The following APOL6 variants were observed in gnomAD, a reference collection of about 807,000 sequenced individuals.
APOL6 encodes the protein apolipoprotein L, 6.
A neutral mutation model predicts 2.4 loss-of-function variants in APOL6; 1 was observed. That is an observed-to-expected ratio of 0.41 (90% confidence interval 0.15 to 1.94). The LOEUF (loss-of-function observed/expected upper bound fraction) is 1.94, where lower values mean the gene tolerates loss of function less well. Ranked by LOEUF, APOL6 falls within the 30% of genes most tolerant of loss-of-function variation. The probability of loss-of-function intolerance (pLI) is 0.30; values close to 1 mark genes in which losing one functional copy is unlikely to be tolerated. For synonymous variants in APOL6, 189 were observed against 169.3 expected (o/e 1.12, Z -0.90); for missense variants, 438 against 429.2 (o/e 1.02, Z -0.18).
chr22:35,655,406 C>T (rs183661541), intron 1 of APOL6, among the ~76,000 whole-genome samples: 16 of 152,152 alleles, frequency 1.1e-4, no homozygotes, highest in Non-Finnish European at 2.4e-4. Context: ...TCGCACTACC[C>T]GAGAAGAAAC....
intron 1 of APOL6, among the ~76,000 whole-genome samples, chr22:35,652,715 G>T (rs993503704): frequency 6.6e-6 from 1 of 151,900 alleles, no homozygotes; most frequent in Non-Finnish European, 1.5e-5. Context: ...GTAGATATGC[G>T]GCATTATTTC....
chr22:35,666,197 T>C lies in APOL6; in HGVS notation c.*6601T>C, dbSNP rs1925177434. On this transcript the variant is annotated 3_prime_UTR_variant, in exon 3 of 3. Coordinates refer to ENST00000409652, the MANE Select transcript of APOL6 (RefSeq NM_030641.4). ...AGGTAAAAAATTTCCTTGTCAGTTTTGTCTTTTGACTATGGCTGCCTTAAA... is the reference window on the plus strand; with the variant it reads ...AGGTAAAAAATTTCCTTGTCAGTTTCGTCTTTTGACTATGGCTGCCTTAAA... 6.6e-6 allele frequency: 1 copy of C among 152,234 alleles called. No homozygotes were observed. The highest frequency in any genetic ancestry group is 1.5e-5 in the Non-Finnish European group (1 of 68,044). The allele number at this position is 152,234 out of a possible 1,614,324, so 9.4% of individuals were successfully genotyped here. A position where few individuals can be genotyped will look rare whatever the true frequency, so the allele number is the denominator to read the frequency against.
chr22:35,664,704 A>T lies in APOL6; in HGVS notation c.*5108A>T, dbSNP rs1925124017. On this transcript the variant is annotated 3_prime_UTR_variant, in exon 3 of 3. Transcript: ENST00000409652. ...CAACTGGACATAATTTAGAATATAA[A>T]GTCATATTAAATTAAATAATAGATA... 1 of 152,144 alleles carries T rather than the reference A, an allele frequency of 6.6e-6. No individual in the cohort carries two copies. Among genetic ancestry groups the T allele is most frequent in the East Asian group, 1.9e-4 (1 of 5,198 alleles). The allele number at this position is 152,144 out of a possible 1,614,324, so 9.4% of individuals were successfully genotyped here. A position where few individuals can be genotyped will look rare whatever the true frequency, so the allele number is the denominator to read the frequency against.
chr22:35,668,023 G>A lies in APOL6; in HGVS notation c.*8427G>A, dbSNP rs534399233. The A allele has an allele frequency of 7.2e-5, 11 of 152,146 alleles. No homozygotes were observed. The highest frequency in any genetic ancestry group is 1.3e-4 in the Admixed American group (2 of 15,264). 9.4% of individuals were successfully genotyped at this position (152,146 alleles called of 1,614,324 possible). ...GCATTAACATCAACACAGACCTTAA[G>A]GCTGATAAGAAGCATTTACAATCTA... On this transcript the variant is annotated 3_prime_UTR_variant, in exon 3 of 3. Transcript: ENST00000409652.
rs149179370 is a variant in APOL6 at position 35,659,267 on chromosome 22, G to C, written c.703G>C (p.Val235Leu). Residue 235 changes from valine to leucine, a missense_variant, in exon 3 of 3, where the codon GTG (valine) becomes CTG (leucine). Transcript: ENST00000409652. The part of the protein sequence containing the change: ...TTLAMTKNAR[V>L]LGGVMSAFSL... ...ACTGGCGATGACCAAAAATGCTCGCGTGCTGGGAGGTGTGATGTCCGCCTT... is the reference window on the plus strand; with the variant it reads ...ACTGGCGATGACCAAAAATGCTCGCCTGCTGGGAGGTGTGATGTCCGCCTT... The C allele has an allele frequency of 1.0e-4, 163 of 1,614,062 alleles. No homozygotes were observed. Among genetic ancestry groups the C allele is most frequent in the Non-Finnish European group, 1.3e-4 (158 of 1,180,044 alleles).
chr22:35,654,595 C>T (rs1485066457), intron 1 of APOL6, among the ~76,000 whole-genome samples: 1 of 150,956 alleles, frequency 6.6e-6, no homozygotes, highest in Non-Finnish European at 1.5e-5. Flanking sequence ...CATATATATA[C>T]ACACGTATAT....
At chr22:35,656,923 A>T (rs1042340166) in intron 2 of APOL6, among the ~76,000 whole-genome samples, 37 of 152,302 alleles carry the variant, frequency 2.4e-4, no homozygotes, top group Non-Finnish European at 5.3e-4. Flanking sequence ...AGTAACAAAT[A>T]TTTGCTGAGT....
chr22:35,659,482 T>G lies in APOL6; in HGVS notation c.918T>G (p.Asp306Glu). ...VRSRARGVGKDLTGTCETEAY... is the reference protein window; with the variant it reads ...VRSRARGVGKELTGTCETEAY... ...CAAGGGCCAGAGGGGTGGGGAAGGA[T>G]TTAACTGGGACCTGCGAAACCGAGG... is the stretch of plus-strand genomic sequence containing the variant. Residue 306 changes from aspartate to glutamate, a missense_variant, in exon 3 of 3, where the codon GAT (aspartate) becomes GAG (glutamate). Asp to Glu is a conservative substitution (Grantham distance 45). Transcript: ENST00000409652. 6.2e-7 allele frequency: 1 copy of G among 1,614,092 alleles called. No homozygotes were observed. Among genetic ancestry groups the G allele is most frequent in the Non-Finnish European group, 8.5e-7 (1 of 1,180,008 alleles).
At chr22:35,651,652 G>GT (rs778462670) in intron 1 of APOL6, among the ~76,000 whole-genome samples, 57 of 152,136 alleles carry the variant, frequency 3.7e-4, no homozygotes, top group Admixed American at 1.4e-3. Flanking sequence ...GCGGTGTTTG[G>GT]TTTTTTGTCC....
chr22:35,659,497 C>G lies in APOL6; in HGVS notation c.933C>G (p.Cys311Trp), dbSNP rs370523539. 15 of 1,614,040 alleles carry G rather than the reference C, an allele frequency of 9.3e-6. No individual in the cohort carries two copies. The highest frequency in any genetic ancestry group is 1.2e-5 in the Non-Finnish European group (14 of 1,180,012). The change falls in exon 3 of 3, where the codon TGC (cysteine) becomes TGG (tryptophan). Residue 311 changes from cysteine to tryptophan, a missense_variant. Transcript: ENST00000409652. ...TGGGGAAGGATTTAACTGGGACCTGCGAAACCGAGGCTTACTGGAAGGAGT... is the reference window on the plus strand; with the variant it reads ...TGGGGAAGGATTTAACTGGGACCTGGGAAACCGAGGCTTACTGGAAGGAGT... ...RGVGKDLTGTCETEAYWKELR... is the reference protein window; with the variant it reads ...RGVGKDLTGTWETEAYWKELR...
Position 35,659,617 on chromosome 22 carries a change from T to C in APOL6, c.*21T>C. ...CATGAATGTTCCTCAGGACATGGCA[T>C]ACAATGGCCTTGGAGGTCCAAATAA... On this transcript the variant is annotated 3_prime_UTR_variant, in exon 3 of 3. Coordinates refer to ENST00000409652, the MANE Select transcript of APOL6 (RefSeq NM_030641.4). 2 of 1,569,108 alleles carry C rather than the reference T, an allele frequency of 1.3e-6. No individual in the cohort carries two copies. Among genetic ancestry groups the C allele is most frequent in the African/African-American group, 1.4e-5 (1 of 74,002 alleles).
chr22:35,664,316 T>C lies in APOL6; in HGVS notation c.*4720T>C, dbSNP rs1446805564. On this transcript the variant is annotated 3_prime_UTR_variant, in exon 3 of 3. Coordinates refer to ENST00000409652, the MANE Select transcript of APOL6 (RefSeq NM_030641.4). ...TTGATATGGGTTTAATGAAAACAGC[T>C]GCATCTTGAATTTAGTAAGATTACC... The C allele has an allele frequency of 6.6e-6, 1 of 152,248 alleles. No individual in the cohort carries two copies. Among genetic ancestry groups the C allele is most frequent in the Admixed American group, 6.5e-5 (1 of 15,284 alleles). The allele number at this position is 152,248 out of a possible 1,614,324, so 9.4% of individuals were successfully genotyped here. A position where few individuals can be genotyped will look rare whatever the true frequency, so the allele number is the denominator to read the frequency against.
At position 35,659,489 on chromosome 22, in the gene APOL6, G is replaced by A. The variant is rs1488998268; in HGVS notation, c.925G>A (p.Gly309Arg). The A allele has an allele frequency of 6.2e-7, 1 of 1,614,036 alleles. No individual in the cohort carries two copies. The highest frequency in any genetic ancestry group is 8.5e-7 in the Non-Finnish European group (1 of 1,180,040). Residue 309 changes from glycine (G) to arginine (R), a missense_variant, in exon 3 of 3, where the codon GGG becomes AGG. Physicochemically the swap from Gly to Arg is moderately radical, Grantham distance 125. Transcript: ENST00000409652. ...RARGVGKDLT[G>R]TCETEAYWKE... ...CAGAGGGGTGGGGAAGGATTTAACT[G>A]GGACCTGCGAAACCGAGGCTTACTG... is the stretch of plus-strand genomic sequence containing the variant.
intron 2 of APOL6, among the ~76,000 whole-genome samples, chr22:35,658,102 G>A (rs887203092): frequency 6.6e-6 from 1 of 152,084 alleles, no homozygotes; most frequent in African/African-American, 2.4e-5. Flanking sequence ...CCAGATTCGA[G>A]GTCATTAGAG....
At chr22:35,656,277 G>A in intron 1 of APOL6, 102 bp from the exon 2 acceptor site, 3 of 854,854 alleles carry the variant, frequency 3.5e-6, no homozygotes, top group Non-Finnish European at 3.9e-6. Context: ...ATGCTATGTG[G>A]TTGTTATTTT....
Position 35,667,145 on chromosome 22 carries a change from T to C in APOL6, c.*7549T>C, listed in dbSNP as rs1480197245. Reference sequence around the variant, plus strand: ...GGCCCCATATTTTGTGTACACAGTCTCCGTACAAGATTTCTGACCTGTAGT... The same window carrying C: ...GGCCCCATATTTTGTGTACACAGTCCCCGTACAAGATTTCTGACCTGTAGT... On this transcript the variant is annotated 3_prime_UTR_variant, in exon 3 of 3. Coordinates refer to ENST00000409652, the MANE Select transcript of APOL6 (RefSeq NM_030641.4). The C allele has an allele frequency of 6.6e-6, 1 of 152,216 alleles. No individual in the cohort carries two copies. Among genetic ancestry groups the C allele is most frequent in the African/African-American group, 2.4e-5 (1 of 41,458 alleles). The allele number at this position is 152,216 out of a possible 1,614,324, so 9.4% of individuals were successfully genotyped here.
intron 1 of APOL6, among the ~76,000 whole-genome samples, chr22:35,651,907 A>G (rs1056932640): frequency 2.0e-5 from 3 of 152,264 alleles, no homozygotes; most frequent in African/African-American, 7.2e-5. Context: ...CTTTGAGTAT[A>G]TACCCAGTAA....
At chr22:35,653,381 C>T (rs1460230942) in intron 1 of APOL6, among the ~76,000 whole-genome samples, 4 of 152,170 alleles carry the variant, frequency 2.6e-5, no homozygotes, top group Non-Finnish European at 5.9e-5. Context: ...TAATTGAATG[C>T]CCTTTATTTC....
At chr22:35,654,064 G>A (rs914607285) in intron 1 of APOL6, among the ~76,000 whole-genome samples, 12 of 152,162 alleles carry the variant, frequency 7.9e-5, no homozygotes, top group African/African-American at 1.7e-4. Flanking sequence ...ATGGCCAGAC[G>A]GAATTGATGC....
Sources: allele counts gnomAD v4.1 joint callset (sites outside exome capture counted in the v4.1 genomes callset), GRCh38; gene constraint gnomAD v4.1.1; transcripts MANE v1.5; gene names NCBI Gene and HGNC (gene_info 2026-07-23, HGNC 2026-07-21).